HTR7: variants seen among roughly 807,000 people sequenced by gnomAD.
HTR7 encodes 5-hydroxytryptamine receptor 7.
In HTR7, 16 loss-of-function variants were observed where a neutral mutation model predicts 34.0. The observed-to-expected ratio is 0.47, with a 90% CI of 0.32 to 0.71. The LOEUF (loss-of-function observed/expected upper bound fraction) is 0.71. Ranked by LOEUF, HTR7 falls within the 30% of genes least tolerant of loss-of-function variation. The pLI, the probability that HTR7 is intolerant of heterozygous loss-of-function variation, is 0.04. For synonymous variants in HTR7, 265 were observed against 260.2 expected (o/e 1.02, Z -0.18); for missense variants, 504 against 625.5 (o/e 0.81, Z 2.07).
At chr10:90,750,071 C>T (rs1427212743) in intron 1 of HTR7, among the ~76,000 whole-genome samples, 1 of 152,162 alleles carries the variant, frequency 6.6e-6, no homozygotes, top group South Asian at 2.1e-4. Flanking sequence ...TTTAGCTTTC[C>T]CTTTGCATTA....
intron 1 of HTR7, among the ~76,000 whole-genome samples, chr10:90,827,782 G>T (rs1431497055): frequency 1.3e-5 from 2 of 152,110 alleles, no homozygotes; most frequent in African/African-American, 4.8e-5. Flanking sequence ...ATGATAGCAG[G>T]AGACCTCAAC....
At chr10:90,774,225 A>G (rs1414654782) in intron 1 of HTR7, among the ~76,000 whole-genome samples, 1 of 152,238 alleles carries the variant, frequency 6.6e-6, no homozygotes, top group Non-Finnish European at 1.5e-5. Context: ...ATTGAACTCC[A>G]GACTCCAAAT....
At chr10:90,842,109 G>C (rs1204882994) in intron 1 of HTR7, among the ~76,000 whole-genome samples, 3 of 152,204 alleles carry the variant, frequency 2.0e-5, no homozygotes, top group African/African-American at 7.2e-5. Flanking sequence ...ACCTCAATGT[G>C]ATAGTATTAA....
At chr10:90,781,919 A>G (rs976429941) in intron 1 of HTR7, among the ~76,000 whole-genome samples, 3 of 152,190 alleles carry the variant, frequency 2.0e-5, no homozygotes, top group Non-Finnish European at 1.5e-5. Flanking sequence ...CCAAGCCCCC[A>G]GCCTTTCTTC....
intron 1 of HTR7, among the ~76,000 whole-genome samples, chr10:90,840,060 T>C (rs912502189): frequency 3.3e-5 from 5 of 151,550 alleles, no homozygotes; most frequent in Non-Finnish European, 2.9e-5. Flanking sequence ...AGTTTGCTTA[T>C]TAAATAAATC....
chr10:90,815,160 CGGCT>C (rs904658318), intron 1 of HTR7, among the ~76,000 whole-genome samples: 29 of 150,830 alleles, frequency 1.9e-4, no homozygotes, highest in African/African-American at 6.6e-4. Flanking sequence ...GGTGCGATCT[CGGCT>C]CACCGCAACC....
intron 1 of HTR7, among the ~76,000 whole-genome samples, chr10:90,828,934 A>G (rs1252736476): frequency 6.6e-6 from 1 of 152,110 alleles, no homozygotes; most frequent in Non-Finnish European, 1.5e-5. Context: ...TAAAAAAAAG[A>G]AAGAAAGAAA....
chr10:90,840,725 T>C (rs904497410), intron 1 of HTR7, among the ~76,000 whole-genome samples: 2 of 152,224 alleles, frequency 1.3e-5, no homozygotes, highest in Admixed American at 6.5e-5. Flanking sequence ...CAATTGGTGT[T>C]AGCCAGGCAT....
At position 90,749,636 on chromosome 10, in the gene HTR7, A is replaced by G. The variant is rs375648363; in HGVS notation, c.540-42T>C. The G allele has an allele frequency of 1.3e-6, 2 of 1,552,424 alleles. No individual in the cohort carries two copies. The highest frequency in any genetic ancestry group is 2.7e-5 in the African/African-American group (2 of 73,730). On this transcript the variant is annotated intron_variant, in intron 1 of 3. Transcript: ENST00000336152. The surrounding 1 kb of genome is among the most constrained non-coding windows in gnomAD (Gnocchi z 4.2). ...AAGATAACAGATGAACACCGTGATCATAACTGGTCAACCAAGCAAGTCCTG... is the reference window on the plus strand; with the variant it reads ...AAGATAACAGATGAACACCGTGATCGTAACTGGTCAACCAAGCAAGTCCTG...
intron 1 of HTR7, among the ~76,000 whole-genome samples, chr10:90,799,462 C>T (rs1033835292): frequency 1.4e-4 from 21 of 152,130 alleles, no homozygotes; most frequent in Non-Finnish European, 2.4e-4. Flanking sequence ...TGCTGGGTGT[C>T]GGTATCTGTC....
At chr10:90,770,219 G>A (rs1316569428) in intron 1 of HTR7, among the ~76,000 whole-genome samples, 2 of 151,652 alleles carry the variant, frequency 1.3e-5, no homozygotes, top group Non-Finnish European at 2.9e-5. Flanking sequence ...GCGCTCCATG[G>A]AGCTGGAGGG....
intron 1 of HTR7, among the ~76,000 whole-genome samples, chr10:90,851,522 G>T (rs541981305): frequency 8.3e-4 from 122 of 147,820 alleles, no homozygotes; most frequent in African/African-American, 2.8e-3. Context: ...GGAGAATGGT[G>T]TGAGTCCAGG....
Position 90,857,765 on chromosome 10 carries a change from G to A in HTR7, c.-94C>T. 7.9e-7 allele frequency: 1 copy of A among 1,259,224 alleles called. No individual in the cohort carries two copies. The highest frequency in any genetic ancestry group is 1.0e-6 in the Non-Finnish European group (1 of 977,030). 78.0% of individuals were successfully genotyped at this position (1,259,224 alleles called of 1,614,324 possible). A position where few individuals can be genotyped will look rare whatever the true frequency, so the allele number is the denominator to read the frequency against. The stretch of plus-strand genomic sequence containing the variant: ...GGCTTCACCTCACCGGTTCCGCTCC[G>A]CCCGGCCCAGCCATGGGGCCCGCGC... On this transcript the variant is annotated 5_prime_UTR_variant, in exon 1 of 4. Coordinates refer to ENST00000336152, the MANE Select transcript of HTR7 (RefSeq NM_019859.4). This position sits in a 1 kb window ranked among gnomAD's most constrained non-coding sequence, Gnocchi z 6.5.
At chr10:90,845,996 G>A (rs535784147) in intron 1 of HTR7, among the ~76,000 whole-genome samples, 122 of 152,092 alleles carry the variant, frequency 8.0e-4, no homozygotes, top group Non-Finnish European at 1.2e-3. Flanking sequence ...ATATGCCAAG[G>A]TGGAAAAAAA....
intron 1 of HTR7, among the ~76,000 whole-genome samples, chr10:90,817,995 A>G (rs1845922528): frequency 6.6e-6 from 1 of 152,246 alleles, no homozygotes; most frequent in South Asian, 2.1e-4. Context: ...TATTTATAGA[A>G]AAGGCAAATC....
intron 1 of HTR7, among the ~76,000 whole-genome samples, chr10:90,816,328 G>A (rs1589464104): frequency 6.6e-6 from 1 of 152,142 alleles, no homozygotes; most frequent in East Asian, 1.9e-4. Flanking sequence ...GAAACTATCT[G>A]TGAGTATTCC....
Position 90,848,989 on chromosome 10 carries a change from T to C in HTR7, c.539+8144A>G, listed in dbSNP as rs569465120. On this transcript the variant is annotated intron_variant, in intron 1 of 3. Transcript: ENST00000336152. ...TGTTTTAATAAGCTCTCCAGGTAGT[T>C]CTGATGCACATTCAAGTTTGATAAA... Among the ~76,000 whole-genome samples, 20 of 152,352 alleles carry C rather than the reference T, an allele frequency of 1.3e-4. No individual in the cohort carries two copies. In the South Asian group the frequency reaches 4.1e-3, roughly 32 times the overall value.
chr10:90,850,159 C>A (rs1846476598), intron 1 of HTR7, among the ~76,000 whole-genome samples: 1 of 152,236 alleles, frequency 6.6e-6, no homozygotes, highest in African/African-American at 2.4e-5. Flanking sequence ...TGTTAGTTCC[C>A]TCAAAACATT....
rs536012839 is a variant in HTR7 at position 90,833,581 on chromosome 10, G to A, written c.539+23552C>T. Among the ~76,000 whole-genome samples the A allele has an allele frequency of 1.8e-4, 28 of 152,246 alleles. No individual in the cohort carries two copies. The East Asian group carries it at 5.2e-3, about 28-fold the overall frequency. ...ACATTTATTATTAATCTTACATTGAGGATTTATTTGACAAAAATTTCTTGG... is the reference window on the plus strand; with the variant it reads ...ACATTTATTATTAATCTTACATTGAAGATTTATTTGACAAAAATTTCTTGG... On this transcript the variant is annotated intron_variant, in intron 1 of 3. Coordinates refer to ENST00000336152, the MANE Select transcript of HTR7 (RefSeq NM_019859.4).
Sources: allele counts gnomAD v4.1 joint callset (sites outside exome capture counted in the v4.1 genomes callset), GRCh38; gene constraint gnomAD v4.1.1; non-coding constraint Gnocchi (gnomAD v3.1); transcripts MANE v1.5; gene names NCBI Gene and HGNC (gene_info 2026-07-23, HGNC 2026-07-21).